The following EPB41L4A variants were observed in gnomAD, a reference collection of about 807,000 sequenced individuals.
EPB41L4A encodes erythrocyte membrane protein band 4.1 like 4A, also known as band 4.1-like protein 4A.
EPB41L4A carries 100 observed loss-of-function variants against 108.6 expected under a neutral mutation model. The observed-to-expected ratio is 0.92, with a 90% CI of 0.78 to 1.09. EPB41L4A has a LOEUF of 1.09. Ranked by LOEUF, EPB41L4A falls within the 50% of genes least tolerant of loss-of-function variation. The probability of loss-of-function intolerance (pLI) is 0.00; values close to 1 mark genes in which losing one functional copy is unlikely to be tolerated. For missense variants in EPB41L4A, 1,030 were observed against 842.7 expected, an observed-to-expected ratio of 1.22 and a Z score of -2.75; for synonymous variants, 319 against 289.0, an observed-to-expected ratio of 1.10 and a Z score of -1.05.
At chr5:112,231,188 A>C (rs1027382177) in intron 12 of EPB41L4A, among the ~76,000 whole-genome samples, 1 of 152,234 alleles carries the variant, frequency 6.6e-6, no homozygotes, top group Non-Finnish European at 1.5e-5. Flanking sequence ...TCACATCTCT[A>C]TATCTATACA....
chr5:112,397,563 T>C (rs1425833903), intron 1 of EPB41L4A, among the ~76,000 whole-genome samples: 2 of 152,108 alleles, frequency 1.3e-5, no homozygotes, highest in African/African-American at 2.4e-5. Context: ...AAAAAAAATT[T>C]ACAAAAAATG....
At chr5:112,157,290 T>C (rs893650931) in intron 12 of EPB41L4A, among the ~76,000 whole-genome samples, 1 of 152,212 alleles carries the variant, frequency 6.6e-6, no homozygotes, top group Admixed American at 6.5e-5. Context: ...TATGGATTAA[T>C]TATTTTAAAA....
At position 112,204,385 on chromosome 5, in the gene EPB41L4A, C is replaced by CG; in HGVS notation, c.1365_1366insC (p.Val456ArgfsTer8). 1 of 1,611,724 alleles carries CG rather than the reference C, an allele frequency of 6.2e-7. No individual in the cohort carries two copies. Among genetic ancestry groups the CG allele is most frequent in the Non-Finnish European group, 8.5e-7 (1 of 1,177,950 alleles). ...TTGTGTTCCGCTTACCTCCTCCTCACAGGCTGTACAGAATCATTGTCACTT... is the reference window on the plus strand; with the variant it reads ...TTGTGTTCCGCTTACCTCCTCCTCACGAGGCTGTACAGAATCATTGTCACTT... On this transcript the variant is annotated frameshift_variant, in exon 15 of 23. Transcript: ENST00000261486. LOFTEE classifies it high-confidence loss of function.
chr5:112,199,987 T>C (rs180692549), intron 15 of EPB41L4A, among the ~76,000 whole-genome samples: 3 of 152,360 alleles, frequency 2.0e-5, no homozygotes, highest in Admixed American at 2.0e-4. Flanking sequence ...AACACAAATG[T>C]GATGTTATTG....
In EPB41L4A at chr5:112,192,847, T is replaced by G. The variant is rs140229629; in HGVS notation, c.1502+1721A>C. Among the ~76,000 whole-genome samples the G allele has an allele frequency of 1.4e-3, 218 of 152,298 alleles. 2 individuals carry two copies. Among genetic ancestry groups the G allele is most frequent in the African/African-American group, 4.9e-3 (205 of 41,538 alleles). On this transcript the variant is annotated intron_variant, in intron 17 of 22. Transcript: ENST00000261486. ...GAGAACAGAACACTTATGGGCACAATTTAGAATATATTAGGTAAAACAGAA... is the reference window on the plus strand; with the variant it reads ...GAGAACAGAACACTTATGGGCACAAGTTAGAATATATTAGGTAAAACAGAA...
chr5:112,169,016 C>T lies in EPB41L4A; in HGVS notation c.1829G>A (p.Arg610Gln), dbSNP rs754307593. ...TTACTTCACTTCCGAGAGAACTGAT[C>T]GCTCCCCATCTGAACACTGGGACCT... is the stretch of plus-strand genomic sequence containing the variant. ...YRRSQCSDGE[R>Q]SVLSEVNSKT... The change falls in exon 21 of 23, where the codon CGA (arginine) becomes CAA (glutamine). Residue 610 changes from arginine (R) to glutamine (Q), a missense_variant. Arg to Gln is a conservative substitution (Grantham distance 43). Transcript: ENST00000261486. The T allele has an allele frequency of 4.3e-6, 7 of 1,613,448 alleles. No individual in the cohort carries two copies. Among genetic ancestry groups the T allele is most frequent in the South Asian group, 2.2e-5 (2 of 91,066 alleles).
At chr5:112,143,579 C>T (rs1371107732) in exon 14 of EPB41L4A, 2 of 168,806 alleles carry the variant, frequency 1.2e-5, no homozygotes, top group African/African-American at 4.8e-5. Context: ...ATCACCATTT[C>T]TCCCCTATCT....
At chr5:112,290,856 C>T (rs1753597788) in intron 2 of EPB41L4A, among the ~76,000 whole-genome samples, 1 of 152,144 alleles carries the variant, frequency 6.6e-6, no homozygotes, top group South Asian at 2.1e-4. Context: ...GGTCCAGGTG[C>T]CCTGCTCAGC....
intron 12 of EPB41L4A, among the ~76,000 whole-genome samples, chr5:112,216,013 G>A (rs1006601100): frequency 4.6e-5 from 7 of 152,052 alleles, no homozygotes; most frequent in South Asian, 2.1e-4. Context: ...TCATTTGTTC[G>A]TTTTTAATAC....
At chr5:112,386,314 T>C (rs760008493) in intron 1 of EPB41L4A, among the ~76,000 whole-genome samples, 1 of 152,234 alleles carries the variant, frequency 6.6e-6, no homozygotes, top group Non-Finnish European at 1.5e-5. Context: ...ATTACTCCTG[T>C]CTAATGCTAA....
intron 1 of EPB41L4A, among the ~76,000 whole-genome samples, chr5:112,334,087 T>C (rs1489612868): frequency 1.3e-5 from 2 of 152,068 alleles, no homozygotes; most frequent in East Asian, 3.9e-4. Context: ...TATACGCTCC[T>C]CCCTTTGGAG....
At chr5:112,148,286 T>C (rs1270635321) in intron 12 of EPB41L4A, among the ~76,000 whole-genome samples, 2 of 150,388 alleles carry the variant, frequency 1.3e-5, no homozygotes, top group African/African-American at 2.4e-5. Context: ...TTCATGTTTC[T>C]CTTTTGTGAA....
intron 12 of EPB41L4A, among the ~76,000 whole-genome samples, chr5:112,218,994 T>C (rs903022440): frequency 1.3e-5 from 2 of 152,214 alleles, no homozygotes; most frequent in Admixed American, 6.5e-5. Flanking sequence ...ACCATACCGA[T>C]TCGTTGTGTC....
intron 1 of EPB41L4A, among the ~76,000 whole-genome samples, chr5:112,385,908 T>C (rs1269216915): frequency 6.6e-6 from 1 of 152,226 alleles, no homozygotes; most frequent in Non-Finnish European, 1.5e-5. Context: ...TACTTGAAAC[T>C]AGGACATTAC....
At chr5:112,269,699 CAA>C (rs1752125898) in intron 4 of EPB41L4A, among the ~76,000 whole-genome samples, 2 of 152,080 alleles carry the variant, frequency 1.3e-5, no homozygotes, top group Non-Finnish European at 2.9e-5. Flanking sequence ...GGAGTTTGGA[CAA>C]TAAATTATAC....
At chr5:112,411,624 GC>G (rs900293698) in intron 1 of EPB41L4A, among the ~76,000 whole-genome samples, 4 of 135,456 alleles carry the variant, frequency 3.0e-5, no homozygotes, top group African/African-American at 1.4e-4. Flanking sequence ...ACTGGGGCTG[GC>G]AAAAAAAAAA....
chr5:112,194,562 T>C lies in EPB41L4A; in HGVS notation c.1502+6A>G. On this transcript the variant is annotated splice_donor_region_variant and intron_variant, in intron 17 of 22. Coordinates refer to ENST00000261486, the MANE Select transcript of EPB41L4A (RefSeq NM_022140.5). ...GTGCCAGTTAATTATAATATTGAGA[T>C]ATTACCTGTTTCTCTTTTTCCGGTA... The C allele has an allele frequency of 6.6e-7, 1 of 1,513,784 alleles. No homozygotes were observed. The highest frequency in any genetic ancestry group is 9.1e-7 in the Non-Finnish European group (1 of 1,096,744). The allele number at this position is 1,513,784 out of a possible 1,614,324, so 93.8% of individuals were successfully genotyped here. A position where few individuals can be genotyped will look rare whatever the true frequency, so the allele number is the denominator to read the frequency against.
At chr5:112,187,839 T>C (rs1761502016) in intron 17 of EPB41L4A, among the ~76,000 whole-genome samples, 1 of 152,202 alleles carries the variant, frequency 6.6e-6, no homozygotes, top group Admixed American at 6.5e-5. Flanking sequence ...GAATGTAAAA[T>C]GAAGCTTCAA....
At chr5:112,306,850 C>T (rs947689731) in intron 2 of EPB41L4A, among the ~76,000 whole-genome samples, 3 of 152,130 alleles carry the variant, frequency 2.0e-5, no homozygotes, top group Admixed American at 2.0e-4. Context: ...GAACAACTGA[C>T]ATAAGAACTA....
Sources: gnomAD v4.1 joint callset for allele counts (sites outside exome capture counted in the v4.1 genomes callset) on GRCh38, gnomAD v4.1.1 for gene constraint, MANE v1.5 for transcripts, NCBI Gene and HGNC (gene_info 2026-07-23, HGNC 2026-07-21) for gene names.